GABRG3: variants seen among roughly 807,000 people sequenced by gnomAD.
The protein encoded by GABRG3 is gamma-aminobutyric acid type A receptor subunit gamma3, also known as gamma-aminobutyric acid receptor subunit gamma-3.
GABRG3 carries 25 observed loss-of-function variants against 48.8 expected under a neutral mutation model. The observed-to-expected ratio is 0.51, with a 90% CI of 0.37 to 0.72. The LOEUF is 0.72. Among genes scored for constraint, GABRG3 ranks in the 30% least tolerant of loss-of-function variants. The pLI is 0.00. For synonymous variants in GABRG3, 227 were observed against 217.6 expected (o/e 1.04, Z -0.38); for missense variants, 394 against 577.9 (o/e 0.68, Z 3.26).
intron 6 of GABRG3, among the ~76,000 whole-genome samples, chr15:27,494,094 C>T (rs751713472): frequency 5.9e-5 from 9 of 151,792 alleles, no homozygotes; most frequent in Non-Finnish European, 1.3e-4. Context: ...TTGCATTGAT[C>T]GATTTTCAAA....
intron 3 of GABRG3, among the ~76,000 whole-genome samples, chr15:27,282,636 G>T (rs144022704): frequency 0.01 from 1,572 of 152,160 alleles, 16 homozygotes; most frequent in Non-Finnish European, 0.016. Flanking sequence ...GTTCTTAACT[G>T]CTCACTGGAG....
chr15:27,175,716 C>A (rs2140413619), intron 3 of GABRG3, among the ~76,000 whole-genome samples: 1 of 152,314 alleles, frequency 6.6e-6, no homozygotes, highest in African/African-American at 2.4e-5. Context: ...TCCAGACATC[C>A]CTTGAGATTG....
At chr15:27,333,394 G>T (rs954670027) in intron 5 of GABRG3, among the ~76,000 whole-genome samples, 5 of 152,120 alleles carry the variant, frequency 3.3e-5, no homozygotes, top group Non-Finnish European at 1.5e-5. Context: ...AGCTCCTAGA[G>T]GCCGCCCGCA....
chr15:27,088,186 A>G (rs566379216), intron 3 of GABRG3, among the ~76,000 whole-genome samples: 8 of 144,220 alleles, frequency 5.5e-5, no homozygotes, highest in Admixed American at 4.3e-4. Flanking sequence ...CTGGAAAGGC[A>G]GCCTTGCAGG....
intron 3 of GABRG3, among the ~76,000 whole-genome samples, chr15:27,218,111 G>T (rs1889325262): frequency 6.6e-6 from 1 of 152,148 alleles, no homozygotes; most frequent in Non-Finnish European, 1.5e-5. Flanking sequence ...CCAGCCTCAA[G>T]TGATCCTCCC....
intron 5 of GABRG3, among the ~76,000 whole-genome samples, chr15:27,334,310 A>T (rs2140523578): frequency 6.6e-6 from 1 of 152,314 alleles, no homozygotes; most frequent in East Asian, 1.9e-4. Context: ...ACACACATGC[A>T]TATACACTTC....
intron 3 of GABRG3, among the ~76,000 whole-genome samples, chr15:27,110,262 C>T (rs997568388): frequency 6.6e-6 from 1 of 152,108 alleles, no homozygotes; most frequent in Non-Finnish European, 1.5e-5. Flanking sequence ...TAACACTATT[C>T]TGCACCATGT....
intron 3 of GABRG3, among the ~76,000 whole-genome samples, chr15:27,120,965 A>C (rs182597961): frequency 2.0e-5 from 3 of 152,350 alleles, no homozygotes; most frequent in Admixed American, 2.0e-4. Context: ...AGTTGACCTT[A>C]AAATAACAAA....
Position 27,412,251 on chromosome 15 carries a change from A to G in GABRG3, c.575-68399A>G, listed in dbSNP as rs1354989050. ...TGACATCCTGCAAAAGGATAGTACAATACCAAAACATGGACACTGATAGAG... is the reference window on the plus strand; with the variant it reads ...TGACATCCTGCAAAAGGATAGTACAGTACCAAAACATGGACACTGATAGAG... On this transcript the variant is annotated intron_variant, in intron 5 of 9. Coordinates refer to ENST00000615808, the MANE Select transcript of GABRG3 (RefSeq NM_033223.5). Among the ~76,000 whole-genome samples, 3 of 152,128 alleles carry G rather than the reference A, an allele frequency of 2.0e-5. No homozygotes were observed. The East Asian group carries it at 5.8e-4, about 29-fold the overall frequency.
At chr15:27,503,746 T>C (rs1890698532) in intron 6 of GABRG3, among the ~76,000 whole-genome samples, 1 of 152,234 alleles carries the variant, frequency 6.6e-6, no homozygotes, top group Non-Finnish European at 1.5e-5. Flanking sequence ...GTCTGCATGT[T>C]CAAGCATTTA....
At chr15:27,306,171 A>G (rs887722171) in intron 3 of GABRG3, among the ~76,000 whole-genome samples, 11 of 133,768 alleles carry the variant, frequency 8.2e-5, no homozygotes, top group Admixed American at 2.4e-4. Context: ...ATATGTTTAT[A>G]TATAAACATA....
chr15:27,020,607 C>T (rs1043709576), intron 2 of GABRG3, among the ~76,000 whole-genome samples: 28 of 151,526 alleles, frequency 1.8e-4, no homozygotes, highest in Non-Finnish European at 4.4e-5. Context: ...TTAGCAGAGA[C>T]GGGGTTTCAC....
At chr15:27,116,988 C>G (rs569163027) in intron 3 of GABRG3, among the ~76,000 whole-genome samples, 6 of 152,180 alleles carry the variant, frequency 3.9e-5, no homozygotes, top group Admixed American at 3.3e-4. Context: ...TCTCAGGTAT[C>G]GTGTTATATC....
intron 3 of GABRG3, among the ~76,000 whole-genome samples, chr15:27,285,317 A>C (rs968937303): frequency 2.7e-5 from 4 of 149,860 alleles, no homozygotes; most frequent in African/African-American, 9.8e-5. Flanking sequence ...TTCTTTGCCC[A>C]AAAAAGTCAC....
chr15:27,450,947 A>G (rs1189364583), intron 5 of GABRG3, among the ~76,000 whole-genome samples: 1 of 152,212 alleles, frequency 6.6e-6, no homozygotes, highest in East Asian at 1.9e-4. Flanking sequence ...TAAGAAAACA[A>G]TCTCATTTAA....
At chr15:27,184,910 A>G (rs1595571971) in intron 3 of GABRG3, among the ~76,000 whole-genome samples, 2 of 151,606 alleles carry the variant, frequency 1.3e-5, no homozygotes, top group Admixed American at 6.6e-5. Flanking sequence ...ATATTTGGCA[A>G]TTTGCGTCTT....
chr15:27,171,266 A>G (rs560455131), intron 3 of GABRG3, among the ~76,000 whole-genome samples: 1 of 152,188 alleles, frequency 6.6e-6, no homozygotes, highest in Admixed American at 6.5e-5. Context: ...TATAGCTTTG[A>G]ATATCTGCAT....
chr15:27,157,151 C>T (rs571288006), intron 3 of GABRG3, among the ~76,000 whole-genome samples: 22 of 152,190 alleles, frequency 1.4e-4, no homozygotes, highest in Admixed American at 7.2e-4. Flanking sequence ...ACAGATGACT[C>T]GAATTCAATT....
In GABRG3 at chr15:27,144,976, TAACA is replaced by T. The variant is rs558885680; in HGVS notation, c.270+118170_270+118173del. On this transcript the variant is annotated intron_variant, in intron 3 of 9. Transcript: ENST00000615808. ...TACAGAATTAGTTCAGAAAAGCTAT[TAACA>T]AACAAACAAACAAATACAGCAACAA... Among the ~76,000 whole-genome samples, 96 of 152,158 alleles carry T rather than the reference TAACA, an allele frequency of 6.3e-4. 3 individuals are homozygous for T. The highest frequency in any genetic ancestry group is 1.3e-3 in the African/African-American group (54 of 41,522).
Sources: allele counts gnomAD v4.1 joint callset (sites outside exome capture counted in the v4.1 genomes callset), GRCh38; gene constraint gnomAD v4.1.1; transcripts MANE v1.5; gene names NCBI Gene and HGNC (gene_info 2026-07-23, HGNC 2026-07-21).